The following RBFOX1 variants were observed in gnomAD, a reference collection of about 807,000 sequenced individuals.
The protein encoded by RBFOX1 is RNA binding protein fox-1 homolog 1.
In RBFOX1, 8 loss-of-function variants were observed where a neutral mutation model predicts 57.7. The ratio of observed to expected loss-of-function variants is 0.14; its 90% CI spans 0.08 to 0.25. RBFOX1 has a LOEUF of 0.25. Ranked by LOEUF, RBFOX1 falls within the 10% of genes least tolerant of loss-of-function variation. The probability of loss-of-function intolerance (pLI) is 1.00; values close to 1 mark genes in which losing one functional copy is unlikely to be tolerated. For synonymous variants in RBFOX1, 326 were observed against 222.4 expected, an observed-to-expected ratio of 1.47 and a Z score of -4.15; for missense variants, 611 against 548.5, an observed-to-expected ratio of 1.11 and a Z score of -1.14.
At chr16:6,991,862 A>G (rs1380193057) in intron 3 of RBFOX1, among the ~76,000 whole-genome samples, 8 of 152,150 alleles carry the variant, frequency 5.3e-5, no homozygotes, top group Admixed American at 5.2e-4. Flanking sequence ...GTTAATGTGC[A>G]TAGGAATCAC....
intron 3 of RBFOX1, among the ~76,000 whole-genome samples, chr16:5,804,109 T>A (rs17792382): frequency 0.53 from 81,294 of 152,068 alleles, 22,439 homozygotes; most frequent in African/African-American, 0.68. Flanking sequence ...TCTCTAAGCT[T>A]TTCAGTTCCT....
chr16:6,213,552 G>C (rs1049821518), intron 1 of RBFOX1, among the ~76,000 whole-genome samples: 1 of 152,162 alleles, frequency 6.6e-6, no homozygotes, highest in African/African-American at 2.4e-5. Context: ...CTGCTATGCT[G>C]CTGATCATTG....
intron 4 of RBFOX1, among the ~76,000 whole-genome samples, chr16:7,122,879 A>G (rs2067514932): frequency 6.6e-6 from 1 of 152,204 alleles, no homozygotes; most frequent in Admixed American, 6.5e-5. Flanking sequence ...AAAAGGAGCA[A>G]CTATTGATAT....
chr16:5,481,156 G>A (rs2069527234), intron 2 of RBFOX1, among the ~76,000 whole-genome samples: 1 of 152,182 alleles, frequency 6.6e-6, no homozygotes, highest in Non-Finnish European at 1.5e-5. Flanking sequence ...CCTCTGCGGA[G>A]GCACTTTTCA....
chr16:5,648,947 C>G (rs2049139989), intron 3 of RBFOX1, among the ~76,000 whole-genome samples: 1 of 151,654 alleles, frequency 6.6e-6, no homozygotes, highest in South Asian at 2.1e-4. Flanking sequence ...ACCTGTAGTC[C>G]CAGCTACTTG....
At chr16:6,133,089 C>G (rs11643193) in intron 1 of RBFOX1, among the ~76,000 whole-genome samples, 46,262 of 151,084 alleles carry the variant, frequency 0.31, 9,004 homozygotes, top group Non-Finnish European at 0.44. Context: ...TTATTCGTCT[C>G]CATGTCATTT....
intron 4 of RBFOX1, among the ~76,000 whole-genome samples, chr16:7,241,675 A>G (rs1324216271): frequency 1.3e-5 from 2 of 152,146 alleles, no homozygotes; most frequent in African/African-American, 4.8e-5. Flanking sequence ...GTGCATTACA[A>G]AAAATCTACA....
chr16:7,260,412 C>A (rs116269448), intron 4 of RBFOX1, among the ~76,000 whole-genome samples: 1 of 152,072 alleles, frequency 6.6e-6, no homozygotes, highest in African/African-American at 2.4e-5. Flanking sequence ...AAACAATTAA[C>A]CAAAGATCAC....
chr16:6,868,921 C>A (rs376940507), intron 3 of RBFOX1, among the ~76,000 whole-genome samples: 2 of 152,136 alleles, frequency 1.3e-5, no homozygotes, highest in Non-Finnish European at 2.9e-5. Context: ...TTGTGAGTTA[C>A]CACATTTTCT....
intron 2 of RBFOX1, among the ~76,000 whole-genome samples, chr16:6,535,796 C>A (rs148720145): frequency 1.3e-5 from 2 of 152,100 alleles, no homozygotes; most frequent in Non-Finnish European, 2.9e-5. Context: ...TTAGTCACTG[C>A]CTATTTTTAT....
Position 5,503,330 on chromosome 16 carries a change from T to C in RBFOX1, c.258+36076T>C, listed in dbSNP as rs149174085. 1.8e-3 allele frequency among the ~76,000 whole-genome samples: 277 copies of C among 152,350 alleles called. 1 individual carries two copies. The highest frequency in any genetic ancestry group is 6.0e-3 in the African/African-American group (249 of 41,592). ...TAATTTCACCACTGTCCCCCACTCT[T>C]GAATCTCCCTCACCCCTCTTCTTTT... is the stretch of plus-strand genomic sequence containing the variant. On this transcript the variant is annotated intron_variant, in intron 2 of 2. Coordinates refer to the RBFOX1 transcript ENST00000585867.
intron 4 of RBFOX1, among the ~76,000 whole-genome samples, chr16:5,977,791 A>T (rs761050663): frequency 2.0e-5 from 3 of 152,274 alleles, no homozygotes; most frequent in Non-Finnish European, 4.4e-5. Flanking sequence ...CTGTATTAAG[A>T]GACACCACCA....
intron 4 of RBFOX1, among the ~76,000 whole-genome samples, chr16:7,410,246 T>G (rs529874086): frequency 3.3e-5 from 5 of 152,354 alleles, no homozygotes; most frequent in Middle Eastern, 3.4e-3. Flanking sequence ...TGCATATGTG[T>G]TGGCTCCTTA....
intron 2 of RBFOX1, among the ~76,000 whole-genome samples, chr16:6,523,846 G>A (rs959685373): frequency 6.6e-6 from 1 of 152,016 alleles, no homozygotes; most frequent in Admixed American, 6.6e-5. Flanking sequence ...AATGTGCCTT[G>A]CTACCACAGT....
chr16:7,257,185 A>T (rs1031592134), intron 4 of RBFOX1, among the ~76,000 whole-genome samples: 2 of 152,098 alleles, frequency 1.3e-5, no homozygotes, highest in African/African-American at 2.4e-5. Flanking sequence ...AGAAAATCTC[A>T]TTAAGACTTA....
intron 3 of RBFOX1, among the ~76,000 whole-genome samples, chr16:6,919,358 C>T (rs1422127355): frequency 6.6e-6 from 1 of 152,072 alleles, no homozygotes. Flanking sequence ...AAATTAATTC[C>T]TCACAACAGC....
chr16:5,918,941 G>A (rs558978148), intron 4 of RBFOX1, among the ~76,000 whole-genome samples: 6 of 152,326 alleles, frequency 3.9e-5, no homozygotes, highest in Non-Finnish European at 7.3e-5. Context: ...GCTCAAGGAA[G>A]GAAGGTGTTC....
In RBFOX1 at chr16:7,640,716, A is replaced by G. The variant is rs182800164; in HGVS notation, c.757+10033A>G. Among the ~76,000 whole-genome samples the G allele has an allele frequency of 7.6e-4, 115 of 152,218 alleles. 1 individual carries two copies. The Middle Eastern group carries it at 0.017, about 23-fold the overall frequency. On this transcript the variant is annotated intron_variant, in intron 11 of 15. Transcript: ENST00000550418. ...ACAGAAAGTGTTTTTTAATGCTCAC[A>G]TTTTCTTAAGAGGATCAACTGGCTA...
intron 3 of RBFOX1, among the ~76,000 whole-genome samples, chr16:6,971,793 G>C (rs963760900): frequency 6.6e-6 from 1 of 152,052 alleles, no homozygotes; most frequent in African/African-American, 2.4e-5. Context: ...GCTTCTGTTG[G>C]GTGTGGAGGG....
Sources: allele counts gnomAD v4.1 joint callset (sites outside exome capture counted in the v4.1 genomes callset), GRCh38; gene constraint gnomAD v4.1.1; transcripts MANE v1.5; gene names NCBI Gene and HGNC (gene_info 2026-07-23, HGNC 2026-07-21).